Variants in SLC7A11 observed in about 807,000 individuals in gnomAD.
The protein encoded by SLC7A11 is solute carrier family 7 member 11.
A neutral mutation model predicts 54.5 loss-of-function variants in SLC7A11; 35 were observed. The ratio of observed to expected loss-of-function variants is 0.64; its 90% CI spans 0.49 to 0.85. The LOEUF (loss-of-function observed/expected upper bound fraction) is 0.85, where lower values mean the gene tolerates loss of function less well. SLC7A11 is among the 40% of genes least tolerant of loss of function. The probability of loss-of-function intolerance (pLI) is 0.00; values close to 1 mark genes in which losing one functional copy is unlikely to be tolerated. For synonymous variants in SLC7A11, 230 were observed against 225.2 expected, an observed-to-expected ratio of 1.02 and a Z score of -0.19; for missense variants, 583 against 618.1, an observed-to-expected ratio of 0.94 and a Z score of 0.60.
intron 6 of SLC7A11, among the ~76,000 whole-genome samples, chr4:138,197,956 TATA>T (rs1309892307): frequency 6.7e-6 from 1 of 150,162 alleles, no homozygotes; most frequent in African/African-American, 2.4e-5. Context: ...ATAAATATAA[TATA>T]ATAAATAAAA....
chr4:138,205,070 A>G (rs1398214176), intron 6 of SLC7A11, among the ~76,000 whole-genome samples: 2 of 152,020 alleles, frequency 1.3e-5, no homozygotes, highest in Admixed American at 1.3e-4. Context: ...TTTGAATTTC[A>G]CATATTTTAT....
chr4:138,185,100 A>G, intron 7 of SLC7A11, 21 bp downstream of exon 7: 2 of 1,612,156 alleles, frequency 1.2e-6, no homozygotes, highest in Non-Finnish European at 1.7e-6. Flanking sequence ...TCCAATTGGC[A>G]TTTTCCCAAC....
Position 138,179,290 on chromosome 4 carries a change from A to T in SLC7A11, c.1371T>A (p.Thr457=). The change falls in exon 11 of 12, where the codon ACT becomes ACA. Residue 457 remains threonine, a synonymous_variant. Transcript: ENST00000280612. ...PFSTGIGFVI[T]LTGVPAYYLF... ...GATAATACGCAGGGACTCCAGTCAG[A>T]GTGATGACGAAGCCAATCCCTGTAC... 1.2e-6 allele frequency: 2 copies of T among 1,612,754 alleles called. No individual in the cohort carries two copies. Among genetic ancestry groups the T allele is most frequent in the Non-Finnish European group, 1.7e-6 (2 of 1,179,082 alleles).
intron 6 of SLC7A11, among the ~76,000 whole-genome samples, chr4:138,197,841 G>C (rs1028137410): frequency 2.0e-5 from 3 of 151,440 alleles, no homozygotes; most frequent in Admixed American, 6.6e-5. Flanking sequence ...CTATAAAAAG[G>C]CAAGTGGAAT....
At chr4:138,196,807 C>T (rs1437521019) in intron 6 of SLC7A11, among the ~76,000 whole-genome samples, 1 of 152,016 alleles carries the variant, frequency 6.6e-6, no homozygotes, top group East Asian at 1.9e-4. Context: ...TTACAGGCAA[C>T]TGCCACCACA....
At chr4:138,174,555 TCTC>T (rs1225021715) in intron 11 of SLC7A11, 1 of 152,144 alleles carries the variant, frequency 6.6e-6, no homozygotes, top group Non-Finnish European at 1.5e-5. Context: ...CACAGCAACT[TCTC>T]CTTCTAGATT....
At chr4:138,173,048 T>C (rs7673617) in intron 11 of SLC7A11, among the ~76,000 whole-genome samples, 151,072 of 152,142 alleles carry the variant, frequency 0.99, 75,012 homozygotes, top group Middle Eastern at 1. Context: ...CCACCATGTT[T>C]GTCTGGGTGG....
rs902513483 is a variant in SLC7A11 at position 138,164,819 on chromosome 4, G to C, written c.*7137C>G. The C allele has an allele frequency of 3.9e-5, 6 of 151,964 alleles. No individual in the cohort carries two copies. Among genetic ancestry groups the C allele is most frequent in the African/African-American group, 1.4e-4 (6 of 41,382 alleles). The allele number at this position is 151,964 out of a possible 1,614,324, so 9.4% of individuals were successfully genotyped here. A position where few individuals can be genotyped will look rare whatever the true frequency, so the allele number is the denominator to read the frequency against. On this transcript the variant is annotated 3_prime_UTR_variant, in exon 12 of 12. Coordinates refer to ENST00000280612, the MANE Select transcript of SLC7A11 (RefSeq NM_014331.4). ...TTTTCAATCACTAGACCAAACCCAC[G>C]ATGCCCCTGAAATTCTGGGAATGGT...
chr4:138,182,356 C>T lies in SLC7A11; in HGVS notation c.1057G>A (p.Glu353Lys). ...CGGACATGAATCATGGAGAGGATTT[C>T]TGGAAGGTGACCCTCTCGAGACGCA... ...YVASREGHLP[E>K]ILSMIHVRKH... The change falls in exon 9 of 12, where the codon GAA becomes AAA. Residue 353 changes from glutamate to lysine, a missense_variant. Coordinates refer to ENST00000280612, the MANE Select transcript of SLC7A11 (RefSeq NM_014331.4). 6.2e-7 allele frequency: 1 copy of T among 1,612,062 alleles called. No individual in the cohort carries two copies. Among genetic ancestry groups the T allele is most frequent in the Non-Finnish European group, 8.5e-7 (1 of 1,178,644 alleles).
chr4:138,186,368 C>T (rs1736877366), intron 6 of SLC7A11, among the ~76,000 whole-genome samples: 1 of 152,116 alleles, frequency 6.6e-6, no homozygotes, highest in Admixed American at 6.6e-5. Context: ...AAGGCACAGC[C>T]TGCCTCACTA....
At chr4:138,203,539 T>C (rs1737337148) in intron 6 of SLC7A11, among the ~76,000 whole-genome samples, 1 of 152,068 alleles carries the variant, frequency 6.6e-6, no homozygotes, top group Admixed American at 6.6e-5. Flanking sequence ...TCCATATCTT[T>C]GGACTTGGAC....
At position 138,182,281 on chromosome 4, in the gene SLC7A11, T is replaced by C. The variant is rs761943260; in HGVS notation, c.1116+16A>G. The C allele has an allele frequency of 3.0e-5, 44 of 1,485,232 alleles. No homozygotes were observed. The South Asian group carries it at 4.5e-4, about 15-fold the overall frequency. 92.0% of individuals were successfully genotyped at this position (1,485,232 alleles called of 1,614,324 possible). The stretch of plus-strand genomic sequence containing the variant: ...ATTCAAGGTTATATCTAGATATACT[T>C]GTTAATATGCATTACCAAAACAATA... On this transcript the variant is annotated intron_variant, in intron 9 of 11. Coordinates refer to ENST00000280612, the MANE Select transcript of SLC7A11 (RefSeq NM_014331.4).
intron 6 of SLC7A11, among the ~76,000 whole-genome samples, chr4:138,212,725 A>G (rs1737580809): frequency 6.6e-6 from 1 of 151,940 alleles, no homozygotes; most frequent in Non-Finnish European, 1.5e-5. Flanking sequence ...TAATATACAC[A>G]ATAGTATTAC....
chr4:138,197,505 T>C (rs2148424721), intron 6 of SLC7A11, among the ~76,000 whole-genome samples: 1 of 152,186 alleles, frequency 6.6e-6, no homozygotes. Context: ...TAATAAACCA[T>C]AGTACACAGA....
At chr4:138,181,423 A>G (rs548783772) in intron 9 of SLC7A11, among the ~76,000 whole-genome samples, 13 of 152,268 alleles carry the variant, frequency 8.5e-5, no homozygotes, top group African/African-American at 3.1e-4. Flanking sequence ...GCACATGCCA[A>G]GGACAGCATG....
intron 6 of SLC7A11, among the ~76,000 whole-genome samples, chr4:138,193,922 T>G (rs771795584): frequency 6.6e-6 from 1 of 152,160 alleles, no homozygotes; most frequent in Non-Finnish European, 1.5e-5. Context: ...GCAATAAATC[T>G]CTATTCATAC....
intron 8 of SLC7A11, 84 bp from the exon 9 acceptor site, chr4:138,182,477 C>T (rs886300140): frequency 1.4e-5 from 11 of 778,444 alleles, no homozygotes; most frequent in Non-Finnish European, 2.5e-5. Flanking sequence ...AGAAAACGTG[C>T]ATCTTTTCAT....
intron 6 of SLC7A11, among the ~76,000 whole-genome samples, chr4:138,202,496 G>A (rs1260746478): frequency 6.6e-6 from 1 of 152,052 alleles, no homozygotes; most frequent in African/African-American, 2.4e-5. Context: ...ACCATCATGG[G>A]ATCTGGAAAA....
Position 138,177,152 on chromosome 4 carries a change from C to T in SLC7A11, c.1444+2065G>A, listed in dbSNP as rs559430256. The T allele has an allele frequency of 1.1e-4, 16 of 152,206 alleles. No homozygotes were observed. In the South Asian group the frequency reaches 3.1e-3, roughly 30 times the overall value. 9.4% of individuals were successfully genotyped at this position (152,206 alleles called of 1,614,324 possible). ...ACTCTGCTTTAAAGGACTGACTTCTCAATGAGTCTGCACAGCACACTAGAG... is the reference window on the plus strand; with the variant it reads ...ACTCTGCTTTAAAGGACTGACTTCTTAATGAGTCTGCACAGCACACTAGAG... On this transcript the variant is annotated intron_variant, in intron 11 of 11. Coordinates refer to ENST00000280612, the MANE Select transcript of SLC7A11 (RefSeq NM_014331.4).
Sources: allele counts gnomAD v4.1 joint callset (sites outside exome capture counted in the v4.1 genomes callset), GRCh38; gene constraint gnomAD v4.1.1; transcripts MANE v1.5; gene names NCBI Gene and HGNC (gene_info 2026-07-23, HGNC 2026-07-21).